MCHR1: variants seen among roughly 807,000 people sequenced by gnomAD.
MCHR1 encodes the protein melanin concentrating hormone receptor 1, also known as melanin-concentrating hormone receptor 1.
MCHR1 carries 13 observed loss-of-function variants against 20.4 expected under a neutral mutation model. The observed-to-expected ratio is 0.64, with a 90% CI of 0.41 to 1.01. MCHR1 has a LOEUF of 1.01. MCHR1 is among the 50% of genes least tolerant of loss of function. The pLI is 0.00. For synonymous variants in MCHR1, 215 were observed against 204.4 expected (o/e 1.05, Z -0.44); for missense variants, 472 against 477.0 (o/e 0.99, Z 0.10).
chr22:40,681,895 T>C lies in MCHR1; in HGVS notation c.1029T>C (p.Ala343=). The part of the protein sequence containing the change: ...QLRAVSNAQT[A]DEERTESKGT ...GCGCTGTCAGCAACGCTCAGACGGC[T>C]GACGAGGAGAGGACAGAAAGCAAAG... Residue 343 remains alanine, a synonymous_variant, in exon 2 of 2, where the codon GCT becomes GCC. Coordinates refer to ENST00000249016, the MANE Select transcript of MCHR1 (RefSeq NM_005297.4). This position sits in a 1 kb window ranked among gnomAD's most constrained non-coding sequence, Gnocchi z 4.3. 1 of 1,611,646 alleles carries C rather than the reference T, an allele frequency of 6.2e-7. No homozygotes were observed.
In MCHR1 at chr22:40,681,098, C is replaced by T. The variant is rs1290014190; in HGVS notation, c.232C>T (p.Pro78Ser). The T allele has an allele frequency of 1.9e-6, 3 of 1,614,004 alleles. No individual in the cohort carries two copies. Among genetic ancestry groups the T allele is most frequent in the African/African-American group, 1.3e-5 (1 of 74,906 alleles). ...CAAGCTGCACTGGTGCAACAACGTC[C>T]CCGACATCTTCATCATCAACCTCTC... The part of the protein sequence containing the change: ...KSKLHWCNNV[P>S]DIFIINLSVV... Residue 78 changes from proline (P) to serine (S), a missense_variant, in exon 2 of 2, where the codon CCC becomes TCC. Pro to Ser is a moderately conservative substitution (Grantham distance 74, BLOSUM62 -1). Transcript: ENST00000249016. This position sits in a 1 kb window ranked among gnomAD's most constrained non-coding sequence, Gnocchi z 4.3.
In MCHR1 at chr22:40,682,597, G is replaced by A. The variant is rs938161690; in HGVS notation, c.*669G>A. ...GGAGACCTGGGGTGGGTGTGGTTGG[G>A]GGTCTTAAAACTAATAAAAGCTGGG... On this transcript the variant is annotated 3_prime_UTR_variant, in exon 2 of 2. Coordinates refer to ENST00000249016, the MANE Select transcript of MCHR1 (RefSeq NM_005297.4). 6.4e-6 allele frequency: 1 copy of A among 156,072 alleles called. No homozygotes were observed. 9.7% of individuals were successfully genotyped at this position (156,072 alleles called of 1,614,324 possible).
Position 40,679,730 on chromosome 22 carries a change from G to C in MCHR1, c.78G>C (p.Ser26=), listed in dbSNP as rs201514957. 2 of 1,614,116 alleles carry C rather than the reference G, an allele frequency of 1.2e-6. No homozygotes were observed. Among genetic ancestry groups the C allele is most frequent in the Admixed American group, 3.3e-5 (2 of 60,010 alleles). ...CTGATGGCCCCGATAACCTCACTTCGGCAGGTGAGTTGACTGGGAGCCCTC... is the reference window on the plus strand; with the variant it reads ...CTGATGGCCCCGATAACCTCACTTCCGCAGGTGAGTTGACTGGGAGCCCTC... ...NTSDGPDNLT[S]AGSPPRTGSI... Residue 26 remains serine, a synonymous_variant, in exon 1 of 2, where the codon TCG becomes TCC. Coordinates refer to ENST00000249016, the MANE Select transcript of MCHR1 (RefSeq NM_005297.4).
chr22:40,679,548 G>A lies in MCHR1; in HGVS notation c.-105G>A. ...GGAAGACCCCCTTCCCAACTGCGGG[G>A]CTTGCGCTCCGGGACAAGGTGGCAG... On this transcript the variant is annotated 5_prime_UTR_variant, in exon 1 of 2. Transcript: ENST00000249016. 6.2e-7 allele frequency: 1 copy of A among 1,613,846 alleles called. No individual in the cohort carries two copies. Among genetic ancestry groups the A allele is most frequent in the Non-Finnish European group, 8.5e-7 (1 of 1,179,862 alleles).
Position 40,681,976 on chromosome 22 carries a change from C to G in MCHR1, c.*48C>G. ...ACCTCCAAGTCAGGGCACCACAACA[C>G]GCCACCGGGAGAGATGCTGAGAAAA... On this transcript the variant is annotated 3_prime_UTR_variant, in exon 2 of 2. Coordinates refer to ENST00000249016, the MANE Select transcript of MCHR1 (RefSeq NM_005297.4). This position sits in a 1 kb window ranked among gnomAD's most constrained non-coding sequence, Gnocchi z 4.3. 1 of 1,598,116 alleles carries G rather than the reference C, an allele frequency of 6.3e-7. No individual in the cohort carries two copies. Among genetic ancestry groups the G allele is most frequent in the Non-Finnish European group, 8.5e-7 (1 of 1,179,444 alleles).
rs1441513058 is a variant in MCHR1 at position 40,679,647 on chromosome 22, G to T, written c.-6G>T. 1 of 1,614,128 alleles carries T rather than the reference G, an allele frequency of 6.2e-7. No homozygotes were observed. The highest frequency in any genetic ancestry group is 1.3e-5 in the African/African-American group (1 of 75,042). ...GTTGTGGGAGCAGGCGACCGGCACT[G>T]GCTGGATGGACCTGGAAGCCTCGCT... On this transcript the variant is annotated 5_prime_UTR_variant, in exon 1 of 2. Coordinates refer to ENST00000249016, the MANE Select transcript of MCHR1 (RefSeq NM_005297.4).
chr22:40,679,618 C>G lies in MCHR1; in HGVS notation c.-35C>G. 1 of 1,613,900 alleles carries G rather than the reference C, an allele frequency of 6.2e-7. No homozygotes were observed. Among genetic ancestry groups the G allele is most frequent in the Non-Finnish European group, 8.5e-7 (1 of 1,179,870 alleles). ...CCTGCGTGGGTGGAGGGGAGCTCAGCTCGGTTGTGGGAGCAGGCGACCGGC... is the reference window on the plus strand; with the variant it reads ...CCTGCGTGGGTGGAGGGGAGCTCAGGTCGGTTGTGGGAGCAGGCGACCGGC... On this transcript the variant is annotated 5_prime_UTR_variant, in exon 1 of 2. Coordinates refer to ENST00000249016, the MANE Select transcript of MCHR1 (RefSeq NM_005297.4).
Position 40,679,649 on chromosome 22 carries a change from C to A in MCHR1, c.-4C>A. The A allele has an allele frequency of 6.2e-7, 1 of 1,614,100 alleles. No individual in the cohort carries two copies. Among genetic ancestry groups the A allele is most frequent in the Non-Finnish European group, 8.5e-7 (1 of 1,180,014 alleles). On this transcript the variant is annotated 5_prime_UTR_variant, in exon 1 of 2. In the 5' UTR this introduces an upstream ATG that the reference lacks. Transcript: ENST00000249016. ...TGTGGGAGCAGGCGACCGGCACTGGCTGGATGGACCTGGAAGCCTCGCTGC... is the reference window on the plus strand; with the variant it reads ...TGTGGGAGCAGGCGACCGGCACTGGATGGATGGACCTGGAAGCCTCGCTGC...
rs767755659 is a variant in MCHR1 at position 40,681,766 on chromosome 22, C to G, written c.900C>G (p.Gly300=). 6.2e-7 allele frequency: 1 copy of G among 1,614,262 alleles called. No homozygotes were observed. The highest frequency in any genetic ancestry group is 8.5e-7 in the Non-Finnish European group (1 of 1,180,052). ...TATACAATGCGGCCATCAGCTTGGGCTATGCCAACAGCTGCCTCAACCCCT... is the reference window on the plus strand; with the variant it reads ...TATACAATGCGGCCATCAGCTTGGGGTATGCCAACAGCTGCCTCAACCCCT... The part of the protein sequence containing the change: ...VYLYNAAISL[G]YANSCLNPFV... Residue 300 remains glycine (G), a synonymous_variant, in exon 2 of 2, where the codon GGC becomes GGG. Transcript: ENST00000249016. This position sits in a 1 kb window ranked among gnomAD's most constrained non-coding sequence, Gnocchi z 4.3.
At position 40,679,578 on chromosome 22, in the gene MCHR1, T is replaced by C; in HGVS notation, c.-75T>C. ...CGCTCCGGGACAAGGTGGCAGGCGC[T>C]GGAGGCTGCCGCAGCCTGCGTGGGT... On this transcript the variant is annotated 5_prime_UTR_variant, in exon 1 of 2. Coordinates refer to ENST00000249016, the MANE Select transcript of MCHR1 (RefSeq NM_005297.4). 6.2e-7 allele frequency: 1 copy of C among 1,613,600 alleles called. No individual in the cohort carries two copies. The highest frequency in any genetic ancestry group is 8.5e-7 in the Non-Finnish European group (1 of 1,179,834).
At position 40,679,545 on chromosome 22, in the gene MCHR1, G is replaced by T. The variant is rs765971090; in HGVS notation, c.-108G>T. 4.3e-6 allele frequency: 7 copies of T among 1,613,680 alleles called. No individual in the cohort carries two copies. Among genetic ancestry groups the T allele is most frequent in the Non-Finnish European group, 5.9e-6 (7 of 1,179,844 alleles). On this transcript the variant is annotated 5_prime_UTR_variant, in exon 1 of 2. Transcript: ENST00000249016. ...GGAGGAAGACCCCCTTCCCAACTGC[G>T]GGGCTTGCGCTCCGGGACAAGGTGG... is the stretch of plus-strand genomic sequence containing the variant.
At position 40,681,634 on chromosome 22, in the gene MCHR1, C is replaced by A; in HGVS notation, c.768C>A (p.Arg256=). Reference sequence around the variant, plus strand: ...GGCTGCGGACAAAGAGGGTGACCCGCACAGCCATCGCCATCTGTCTGGTCT... The same window carrying A: ...GGCTGCGGACAAAGAGGGTGACCCGAACAGCCATCGCCATCTGTCTGGTCT... ...SIRLRTKRVT[R]TAIAICLVFF... is the part of the protein sequence containing the mutation. Residue 256 remains arginine, a synonymous_variant, in exon 2 of 2, where the codon CGC becomes CGA. Coordinates refer to ENST00000249016, the MANE Select transcript of MCHR1 (RefSeq NM_005297.4). The surrounding 1 kb of genome is among the most constrained non-coding windows in gnomAD (Gnocchi z 4.3). 1 of 1,614,270 alleles carries A rather than the reference C, an allele frequency of 6.2e-7. No homozygotes were observed. Among genetic ancestry groups the A allele is most frequent in the Non-Finnish European group, 8.5e-7 (1 of 1,180,048 alleles).
chr22:40,680,861 T>A (rs1266575787), intron 1 of MCHR1, 88 bp from the exon 2 acceptor site: 18 of 1,587,000 alleles, frequency 1.1e-5, no homozygotes, highest in Non-Finnish European at 1.4e-5. Context: ...GAACGGTGGG[T>A]CGCTGGAGGC....
intron 1 of MCHR1, among the ~76,000 whole-genome samples, chr22:40,680,572 GCA>G (rs748382761): frequency 0.048 from 5,464 of 112,852 alleles, 277 homozygotes; most frequent in Middle Eastern, 0.12. Flanking sequence ...GGAAAAGCAC[GCA>G]CACACACACA....
chr22:40,681,788 C>T lies in MCHR1; in HGVS notation c.922C>T (p.Pro308Ser), dbSNP rs539260735. 5 of 1,614,252 alleles carry T rather than the reference C, an allele frequency of 3.1e-6. No homozygotes were observed. The highest frequency in any genetic ancestry group is 1.1e-5 in the South Asian group (1 of 91,086). ...GGGCTATGCCAACAGCTGCCTCAAC[C>T]CCTTTGTGTACATCGTGCTCTGTGA... ...SLGYANSCLN[P>S]FVYIVLCETF... The change falls in exon 2 of 2, where the codon CCC becomes TCC. Residue 308 changes from proline to serine, a missense_variant. Physicochemically the swap from Pro to Ser is moderately conservative, Grantham distance 74. Transcript: ENST00000249016. This position sits in a 1 kb window ranked among gnomAD's most constrained non-coding sequence, Gnocchi z 4.3.
chr22:40,680,834 G>A, intron 1 of MCHR1, 115 bp from the exon 2 acceptor site: 2 of 1,584,232 alleles, frequency 1.3e-6, no homozygotes, highest in South Asian at 2.2e-5. Flanking sequence ...GGAGAATGGT[G>A]GGAGAGGATT....
chr22:40,680,404 A>G (rs1290281422), intron 1 of MCHR1, among the ~76,000 whole-genome samples: 1 of 152,150 alleles, frequency 6.6e-6, no homozygotes, highest in Non-Finnish European at 1.5e-5. Context: ...AATCAAGGAA[A>G]TCCCCGCTAG....
chr22:40,682,044 G>A lies in MCHR1; in HGVS notation c.*116G>A. ...AAATGCAGGAAGGCCGGGTTGTGAG[G>A]GGTTGTTGCAATGAAATAAATACAT... is the stretch of plus-strand genomic sequence containing the variant. On this transcript the variant is annotated 3_prime_UTR_variant, in exon 2 of 2. Coordinates refer to ENST00000249016, the MANE Select transcript of MCHR1 (RefSeq NM_005297.4). The A allele has an allele frequency of 7.4e-7, 1 of 1,353,466 alleles. No homozygotes were observed. The highest frequency in any genetic ancestry group is 1.0e-6 in the Non-Finnish European group (1 of 978,110). The allele number at this position is 1,353,466 out of a possible 1,614,324, so 83.8% of individuals were successfully genotyped here. A position where few individuals can be genotyped will look rare whatever the true frequency, so the allele number is the denominator to read the frequency against.
Position 40,681,391 on chromosome 22 carries a change from C to A in MCHR1, c.525C>A (p.Ile175=). 1 of 1,614,224 alleles carries A rather than the reference C, an allele frequency of 6.2e-7. No homozygotes were observed. Among genetic ancestry groups the A allele is most frequent in the Non-Finnish European group, 8.5e-7 (1 of 1,180,044 alleles). The change falls in exon 2 of 2, where the codon ATC becomes ATA. Residue 175 remains isoleucine, a synonymous_variant. Coordinates refer to ENST00000249016, the MANE Select transcript of MCHR1 (RefSeq NM_005297.4). This position sits in a 1 kb window ranked among gnomAD's most constrained non-coding sequence, Gnocchi z 4.3. ...CLLWALSFIS[I]TPVWLYARLI... is the part of the protein sequence containing the mutation. ...TGTGGGCCCTCTCCTTCATCAGCATCACCCCTGTGTGGCTGTATGCCAGAC... is the reference window on the plus strand; with the variant it reads ...TGTGGGCCCTCTCCTTCATCAGCATAACCCCTGTGTGGCTGTATGCCAGAC...
Sources: allele counts gnomAD v4.1 joint callset (sites outside exome capture counted in the v4.1 genomes callset), GRCh38; gene constraint gnomAD v4.1.1; non-coding constraint Gnocchi (gnomAD v3.1); transcripts MANE v1.5; gene names NCBI Gene and HGNC (gene_info 2026-07-23, HGNC 2026-07-21).